Variants in SLC25A26 observed in about 807,000 individuals in gnomAD.
SLC25A26 encodes mitochondrial S-adenosylmethionine carrier protein.
SLC25A26 carries 36 observed loss-of-function variants against 37.8 expected under a neutral mutation model. The observed-to-expected ratio is 0.95, with a 90% CI of 0.73 to 1.26. The LOEUF (loss-of-function observed/expected upper bound fraction) is 1.26, where lower values mean the gene tolerates loss of function less well. Among genes scored for constraint, SLC25A26 ranks in the 50% most tolerant of loss-of-function variants. The pLI is 0.00. For synonymous variants in SLC25A26, 129 were observed against 122.5 expected (o/e 1.05, Z -0.35); for missense variants, 390 against 331.1 (o/e 1.18, Z -1.38).
intron 1 of SLC25A26, among the ~76,000 whole-genome samples, chr3:66,210,815 C>T (rs1452350004): frequency 6.6e-6 from 1 of 152,110 alleles, no homozygotes; most frequent in African/African-American, 2.4e-5. Context: ...CGCCCGGCCT[C>T]GACTCATCTG....
chr3:66,154,133 C>T (rs2070244331), intron 1 of SLC25A26, among the ~76,000 whole-genome samples: 1 of 152,134 alleles, frequency 6.6e-6, no homozygotes, highest in African/African-American at 2.4e-5. Context: ...GCACCAGACC[C>T]TGGCTGTCTG....
chr3:66,335,818 C>G (rs1191004853), intron 5 of SLC25A26, among the ~76,000 whole-genome samples: 1 of 152,084 alleles, frequency 6.6e-6, no homozygotes, highest in Non-Finnish European at 1.5e-5. Context: ...TACTAAGCCT[C>G]CTGGTTGCCA....
intron 5 of SLC25A26, among the ~76,000 whole-genome samples, chr3:66,317,419 C>A (rs1012312290): frequency 2.6e-5 from 4 of 152,230 alleles, no homozygotes; most frequent in Non-Finnish European, 5.9e-5. Context: ...CTCCGGGGCC[C>A]CTCCCATCCC....
chr3:66,168,978 A>G (rs999437880), intron 1 of SLC25A26, among the ~76,000 whole-genome samples: 1 of 152,176 alleles, frequency 6.6e-6, no homozygotes, highest in African/African-American at 2.4e-5. Context: ...TTTAAAAATT[A>G]GCTTGGCATG....
intron 3 of SLC25A26, among the ~76,000 whole-genome samples, chr3:66,258,962 G>C (rs527265700): frequency 2.0e-5 from 3 of 150,914 alleles, no homozygotes; most frequent in Non-Finnish European, 4.4e-5. Context: ...CACTTTTCAA[G>C]TGCTCCATAG....
At chr3:66,315,245 T>G (rs887944665) in intron 5 of SLC25A26, among the ~76,000 whole-genome samples, 1 of 152,172 alleles carries the variant, frequency 6.6e-6, no homozygotes, top group African/African-American at 2.4e-5. Context: ...TTCTAACTTT[T>G]TGATGTAGGC....
intron 1 of SLC25A26, among the ~76,000 whole-genome samples, chr3:66,151,406 C>A (rs2070206648): frequency 1.3e-5 from 2 of 152,150 alleles, no homozygotes; most frequent in Non-Finnish European, 2.9e-5. Flanking sequence ...GTCTCACTAC[C>A]AAGAGACGAG....
intron 1 of SLC25A26, among the ~76,000 whole-genome samples, chr3:66,150,820 A>T (rs1434531833): frequency 6.6e-6 from 1 of 150,894 alleles, no homozygotes; most frequent in East Asian, 2.0e-4. Context: ...AATCATCTGG[A>T]TTTTTCAGGA....
upstream of SLC25A26, among the ~76,000 whole-genome samples, chr3:66,218,005 T>G: frequency 6.6e-6 from 1 of 152,322 alleles, no homozygotes; most frequent in Non-Finnish European, 1.5e-5. Flanking sequence ...TAGTCAATAC[T>G]TTGCCTCTAC....
At chr3:66,303,553 T>C (rs1033642333) in intron 5 of SLC25A26, among the ~76,000 whole-genome samples, 2 of 152,212 alleles carry the variant, frequency 1.3e-5, no homozygotes, top group Non-Finnish European at 2.9e-5. Context: ...TCAAGATCAC[T>C]TAACTAGAAT....
chr3:66,191,499 T>C (rs927045810), intron 1 of SLC25A26, among the ~76,000 whole-genome samples: 5 of 152,164 alleles, frequency 3.3e-5, no homozygotes, highest in Non-Finnish European at 5.9e-5. Flanking sequence ...TAAACTAAGA[T>C]GAATGTAAGA....
At chr3:66,261,922 AG>A in intron 3 of SLC25A26, 128 bp from the exon 4 acceptor site, 20 of 622,310 alleles carry the variant, frequency 3.2e-5, no homozygotes, top group South Asian at 1.3e-4. Context: ...AAAAAAAAAA[AG>A]AAACTTTTTG....
At chr3:66,139,045 T>TC (rs35034238) in intron 1 of SLC25A26, among the ~76,000 whole-genome samples, 1 of 134,146 alleles carries the variant, frequency 7.5e-6, no homozygotes, top group Non-Finnish European at 1.6e-5. Context: ...CCTCCTCCCC[T>TC]CCCCATCCTC....
intron 6 of SLC25A26, among the ~76,000 whole-genome samples, chr3:66,348,756 C>T (rs1559726116): frequency 6.6e-6 from 1 of 152,188 alleles, no homozygotes; most frequent in East Asian, 1.9e-4. Flanking sequence ...TAGTATTGCT[C>T]ATTTAATATA....
At chr3:66,147,010 C>T (rs2070124159) in intron 1 of SLC25A26, among the ~76,000 whole-genome samples, 2 of 147,532 alleles carry the variant, frequency 1.4e-5, no homozygotes, top group South Asian at 2.1e-4. Flanking sequence ...TTGTTTCATT[C>T]CCTTTTATGG....
At chr3:66,175,063 G>A (rs1176433055) in intron 1 of SLC25A26, among the ~76,000 whole-genome samples, 1 of 145,868 alleles carries the variant, frequency 6.9e-6, no homozygotes, top group African/African-American at 2.5e-5. Flanking sequence ...ATTCTCCAGA[G>A]ATACAGAACC....
intron 5 of SLC25A26, among the ~76,000 whole-genome samples, chr3:66,290,493 A>G (rs185864953): frequency 1.8e-4 from 27 of 152,332 alleles, no homozygotes; most frequent in Middle Eastern, 3.4e-3. Flanking sequence ...CGTCCCATCA[A>G]TGCCTGGTTT....
intron 1 of SLC25A26, among the ~76,000 whole-genome samples, chr3:66,211,009 C>T (rs1216611825): frequency 1.3e-5 from 2 of 152,194 alleles, no homozygotes; most frequent in African/African-American, 4.8e-5. Context: ...GGCACTGCAC[C>T]TGCATGGCAC....
intron 1 of SLC25A26, among the ~76,000 whole-genome samples, chr3:66,190,958 A>G (rs1186378123): frequency 6.6e-6 from 1 of 152,224 alleles, no homozygotes; most frequent in Non-Finnish European, 1.5e-5. Flanking sequence ...TTTTGGAGTC[A>G]AATAAATCTT....
Sources: gnomAD v4.1 joint callset for allele counts (sites outside exome capture counted in the v4.1 genomes callset) on GRCh38, gnomAD v4.1.1 for gene constraint, MANE v1.5 for transcripts, NCBI Gene and HGNC (gene_info 2026-07-23, HGNC 2026-07-21) for gene names.